The following ZBTB16 variants were observed in gnomAD, a reference collection of about 807,000 sequenced individuals.
The protein encoded by ZBTB16 is zinc finger and BTB domain containing 16.
In ZBTB16, 8 loss-of-function variants were observed where a neutral mutation model predicts 56.8. The ratio of observed to expected loss-of-function variants is 0.14; its 90% confidence interval spans 0.08 to 0.25. The LOEUF (loss-of-function observed/expected upper bound fraction) is 0.25, where lower values mean the gene tolerates loss of function less well. Ranked by LOEUF, ZBTB16 falls within the 10% of genes least tolerant of loss-of-function variation. The pLI, the probability that ZBTB16 is intolerant of heterozygous loss-of-function variation, is 1.00. For synonymous variants in ZBTB16, 363 were observed against 368.5 expected, an observed-to-expected ratio of 0.98 and a Z score of 0.17; for missense variants, 625 against 903.0, an observed-to-expected ratio of 0.69 and a Z score of 3.95.
intron 4 of ZBTB16, among the ~76,000 whole-genome samples, chr11:114,198,664 A>G (rs1490556778): frequency 6.6e-6 from 1 of 152,180 alleles, no homozygotes; most frequent in Non-Finnish European, 1.5e-5. Flanking sequence ...CCGTCCTCAC[A>G]CGCAAGTGCA....
At chr11:114,110,961 A>G (rs1206226734) in intron 2 of ZBTB16, among the ~76,000 whole-genome samples, 1 of 152,220 alleles carries the variant, frequency 6.6e-6, no homozygotes. Flanking sequence ...CATTAACAGT[A>G]TAATTTAAAA....
chr11:114,061,822 A>G (rs1253272404), intron 1 of ZBTB16, among the ~76,000 whole-genome samples: 2 of 152,002 alleles, frequency 1.3e-5, no homozygotes, highest in African/African-American at 2.4e-5. Context: ...GCTGGTGCCA[A>G]TATCACTTCC....
At chr11:114,113,062 G>T (rs907904089) in intron 2 of ZBTB16, among the ~76,000 whole-genome samples, 4 of 152,074 alleles carry the variant, frequency 2.6e-5, no homozygotes, top group African/African-American at 9.7e-5. Context: ...TGCATGAGCC[G>T]CTGCACCCAG....
At chr11:114,225,095 C>T (rs1318075604) in intron 4 of ZBTB16, among the ~76,000 whole-genome samples, 1 of 151,978 alleles carries the variant, frequency 6.6e-6, no homozygotes, top group African/African-American at 2.4e-5. Context: ...CAGGGGAGTT[C>T]AGGAATTGGC....
intron 4 of ZBTB16, among the ~76,000 whole-genome samples, chr11:114,233,125 A>ACACACACACACT (rs1443230792): frequency 5.5e-5 from 3 of 54,776 alleles, no homozygotes; most frequent in East Asian, 7.2e-4. Flanking sequence ...ACACACACAC[A>ACACACACACACT]CTCTCTCTCT....
At chr11:114,073,219 T>C (rs1038030379) in intron 2 of ZBTB16, among the ~76,000 whole-genome samples, 5 of 152,154 alleles carry the variant, frequency 3.3e-5, no homozygotes, top group African/African-American at 1.2e-4. Flanking sequence ...TGCAGAGGGT[T>C]CAGCTCTTTA....
At chr11:114,144,584 GCTGTGGGACACC>G (rs1266240788) in intron 2 of ZBTB16, among the ~76,000 whole-genome samples, 2 of 152,204 alleles carry the variant, frequency 1.3e-5, no homozygotes, top group Non-Finnish European at 2.9e-5. Flanking sequence ...GCCGCAGCCT[GCTGTGGGACACC>G]ATGCCCACTC....
Position 114,250,817 on chromosome 11 carries a change from G to C in ZBTB16, c.*262G>C. Reference sequence around the variant, plus strand: ...TTTCTGGGATGGGGTTGGGTATTTTGTTCACTCAAATGGTGGCACATTTTT... The same window carrying C: ...TTTCTGGGATGGGGTTGGGTATTTTCTTCACTCAAATGGTGGCACATTTTT... On this transcript the variant is annotated 3_prime_UTR_variant, in exon 7 of 7. Coordinates refer to ENST00000335953, the MANE Select transcript of ZBTB16 (RefSeq NM_006006.6). The surrounding 1 kb of genome is among the most constrained non-coding windows in gnomAD (Gnocchi z 6.0). 1 of 548,884 alleles carries C rather than the reference G, an allele frequency of 1.8e-6. No homozygotes were observed. 34.0% of individuals were successfully genotyped at this position (548,884 alleles called of 1,614,324 possible).
rs3842271 is a variant in ZBTB16, at chr11:114,253,414, C to CA, written c.*2868dup. Among the ~76,000 whole-genome samples, 54,328 of 151,454 alleles carry CA rather than the reference C, an allele frequency of 0.36. 10,463 individuals carry two copies. The highest frequency in any genetic ancestry group is 0.44 in the Non-Finnish European group (30,134 of 67,800). ...GTAATGTGAATAGGAAGACAAAAGACAAAAAAAAATCCACCACCACCAAAA... is the reference window on the plus strand; with the variant it reads ...GTAATGTGAATAGGAAGACAAAAGACAAAAAAAAAATCCACCACCACCAAAA... On this transcript the variant is annotated 3_prime_UTR_variant, in exon 7 of 7. Coordinates refer to ENST00000335953, the MANE Select transcript of ZBTB16 (RefSeq NM_006006.6).
chr11:114,168,464 TC>T (rs1440413785), intron 3 of ZBTB16, among the ~76,000 whole-genome samples: 2 of 152,228 alleles, frequency 1.3e-5, no homozygotes, highest in African/African-American at 4.8e-5. Flanking sequence ...CTTGCTGTGT[TC>T]CAGGCACAGT....
At chr11:114,192,920 G>A (rs528520195) in intron 4 of ZBTB16, among the ~76,000 whole-genome samples, 2 of 152,342 alleles carry the variant, frequency 1.3e-5, no homozygotes, top group East Asian at 3.9e-4. Context: ...TGCCCTCTCA[G>A]CCAGGGGCAG....
chr11:114,153,750 C>A (rs1942332875), intron 2 of ZBTB16, among the ~76,000 whole-genome samples: 1 of 152,146 alleles, frequency 6.6e-6, no homozygotes, highest in Non-Finnish European at 1.5e-5. Context: ...CCTTAGAGGA[C>A]CACCTGGTAG....
chr11:114,138,212 G>A (rs2250721), intron 2 of ZBTB16, among the ~76,000 whole-genome samples: 52,345 of 152,018 alleles, frequency 0.34, 9,800 homozygotes, highest in African/African-American at 0.51. Flanking sequence ...ATGTGACTGA[G>A]GAGCAGGTAG....
In ZBTB16 at chr11:114,148,465, C is replaced by CGTTCTT. The variant is rs1942193969; in HGVS notation, c.1269-7872_1269-7871insGTTCTT. On this transcript the variant is annotated intron_variant, in intron 2 of 6. Coordinates refer to ENST00000335953, the MANE Select transcript of ZBTB16 (RefSeq NM_006006.6). ...TCTCTCTCTGTCTGTCTGTCTCTCT[C>CGTTCTT]TCTCTCTTTCTTTCTTTCTTTCTTT... is the stretch of plus-strand genomic sequence containing the variant. 3.7e-5 allele frequency among the ~76,000 whole-genome samples: 2 copies of CGTTCTT among 53,492 alleles called. 1 individual carries two copies. Among genetic ancestry groups the CGTTCTT allele is most frequent in the Non-Finnish European group, 8.0e-5 (2 of 25,038 alleles). The allele number at this position is 53,492 out of a possible 152,430, so 35.1% of individuals were successfully genotyped here.
chr11:114,204,407 T>G (rs1943805985), intron 4 of ZBTB16, among the ~76,000 whole-genome samples: 1 of 152,218 alleles, frequency 6.6e-6, no homozygotes. Context: ...CTTAAAGTGC[T>G]GGGATTACAG....
At chr11:114,110,024 T>A (rs534044425) in intron 2 of ZBTB16, among the ~76,000 whole-genome samples, 6 of 152,092 alleles carry the variant, frequency 3.9e-5, no homozygotes, top group African/African-American at 1.2e-4. Context: ...TATTTAACGT[T>A]GTAACATTTT....
chr11:114,150,024 GC>G (rs1260639509), intron 2 of ZBTB16, among the ~76,000 whole-genome samples: 1 of 152,172 alleles, frequency 6.6e-6, no homozygotes, highest in Admixed American at 6.5e-5. Flanking sequence ...CATAGTTCTT[GC>G]CCCCACAGAG....
At chr11:114,188,863 T>C (rs1257620887) in intron 4 of ZBTB16, 2 of 152,178 alleles carry the variant, frequency 1.3e-5, no homozygotes, top group Non-Finnish European at 2.9e-5. Flanking sequence ...ATAAAATGGT[T>C]AGGGAAGGCC....
chr11:114,135,931 A>G (rs1246761236), intron 2 of ZBTB16, among the ~76,000 whole-genome samples: 2 of 152,222 alleles, frequency 1.3e-5, no homozygotes, highest in Non-Finnish European at 2.9e-5. Flanking sequence ...GCTCAAAGGA[A>G]AGAACATCTG....
Sources: allele counts gnomAD v4.1 joint callset (sites outside exome capture counted in the v4.1 genomes callset), GRCh38; gene constraint gnomAD v4.1.1; non-coding constraint Gnocchi (gnomAD v3.1); transcripts MANE v1.5; gene names NCBI Gene and HGNC (gene_info 2026-07-23, HGNC 2026-07-21).